RPL7: variants seen among roughly 807,000 people sequenced by gnomAD.
The protein encoded by RPL7 is large ribosomal subunit protein uL30.
For missense variants in RPL7, 205 were observed against 301.9 expected (o/e 0.68, Z 2.38); for synonymous variants, 100 against 102.2 (o/e 0.98, Z 0.13).
chr8:73,292,812 CA>C lies in RPL7; in HGVS notation c.15-16del, dbSNP rs780490740. ...TCTTCTTCTCTCTAACGTTAATAAA[CA>C]AAAATGTTATCAATAGCTCAAAAAG... On this transcript the variant is annotated splice_polypyrimidine_tract_variant and intron_variant, in intron 1 of 6. Transcript: ENST00000352983. The C allele has an allele frequency of 1.3e-6, 2 of 1,579,290 alleles. No individual in the cohort carries two copies. Among genetic ancestry groups the C allele is most frequent in the South Asian group, 2.3e-5 (2 of 88,558 alleles).
intron 2 of RPL7, 129 bp from the exon 3 acceptor site, chr8:73,292,534 C>A: frequency 9.6e-7 from 1 of 1,038,326 alleles, no homozygotes; most frequent in South Asian, 1.6e-5. Context: ...TTACATCCCC[C>A]ACCAAAAAAC....
rs1303714456 is a variant in RPL7, at chr8:73,290,459, T to A, written c.*248A>T. 1 of 152,302 alleles carries A rather than the reference T, an allele frequency of 6.6e-6. No homozygotes were observed. Among genetic ancestry groups the A allele is most frequent in the Non-Finnish European group, 1.5e-5 (1 of 68,138 alleles). The allele number at this position is 152,302 out of a possible 1,614,324, so 9.4% of individuals were successfully genotyped here. ...TTAAAAAACAAAAAATTAAAATCTT[T>A]TGTATAGAAAAGCCTTTTAAAAACC... On this transcript the variant is annotated 3_prime_UTR_variant, in exon 7 of 7. Transcript: ENST00000352983.
intron 1 of RPL7, chr8:73,293,275 G>A (rs547794710): frequency 1.1e-5 from 4 of 373,678 alleles, no homozygotes; most frequent in East Asian, 1.1e-4. Flanking sequence ...CCTGTACCAA[G>A]CACCAGCCAA....
chr8:73,293,601 T>C lies in RPL7; in HGVS notation c.12A>G (p.Val4=), dbSNP rs149887192. Residue 4 remains valine, a splice_region_variant and synonymous_variant, in exon 1 of 7, where the codon GTA becomes GTG. Coordinates refer to ENST00000352983, the MANE Select transcript of RPL7 (RefSeq NM_000971.4). ...CAAGAGGACCAGAAGCAACTCACTC[T>C]ACACCCTCCATGGTTCCAGCCGGAA... MEG[V]EEKKKEVPAV... is the part of the protein sequence containing the mutation. The C allele has an allele frequency of 8.1e-5, 130 of 1,613,812 alleles. No individual in the cohort carries two copies. Among genetic ancestry groups the C allele is most frequent in the Non-Finnish European group, 9.1e-5 (107 of 1,179,934 alleles).
At chr8:73,291,305 T>C in intron 5 of RPL7, 53 bp from the exon 6 acceptor site, 2 of 1,432,952 alleles carry the variant, frequency 1.4e-6, no homozygotes, top group Non-Finnish European at 1.9e-6. Flanking sequence ...AGTTTTGAAA[T>C]AATTATTCAA....
At chr8:73,291,445 T>C (rs1432478885) in intron 5 of RPL7, 107 bp downstream of exon 5, 5 of 925,808 alleles carry the variant, frequency 5.4e-6, no homozygotes, top group African/African-American at 1.7e-5. Context: ...AAATCAAGAA[T>C]CATAGGGAAC....
Position 73,291,811 on chromosome 8 carries a change from A to T in RPL7, c.390T>A (p.Ile130=). Residue 130 remains isoleucine (I), a synonymous_variant, in exon 4 of 7, where the codon ATT becomes ATA. Transcript: ENST00000352983. The stretch of plus-strand genomic sequence containing the variant: ...ATGGCTCTACAATCCTCAGCATGTT[A>T]ATCGAAGCCTTGTTGAGCTTCACAA... ...GTFVKLNKAS[I]NMLRIVEPYI... is the part of the protein sequence containing the mutation. 1 of 1,611,398 alleles carries T rather than the reference A, an allele frequency of 6.2e-7. No homozygotes were observed. Among genetic ancestry groups the T allele is most frequent in the Non-Finnish European group, 8.5e-7 (1 of 1,177,604 alleles).
At chr8:73,290,968 TG>T in intron 6 of RPL7, 74 bp downstream of exon 6, 1 of 1,140,332 alleles carries the variant, frequency 8.8e-7, no homozygotes, top group Non-Finnish European at 1.3e-6. Context: ...CAATATTTAA[TG>T]GGAAAAGTAT....
chr8:73,292,314 G>C lies in RPL7; in HGVS notation c.215C>G (p.Ala72Gly). ...RQMYRTEIRM[A>G]RMARKAGNFY... ...GTTGCCAGCTTTTCTTGCCATCCTC[G>C]CCATTCGAATTTCAGTTCTGTACAT... is the stretch of plus-strand genomic sequence containing the variant. The change falls in exon 3 of 7, where the codon GCG becomes GGG. Residue 72 changes from alanine (A) to glycine (G), a missense_variant. Transcript: ENST00000352983. 6.2e-7 allele frequency: 1 copy of C among 1,608,858 alleles called. No homozygotes were observed.
chr8:73,293,549 C>A, intron 1 of RPL7, 50 bp downstream of exon 1: 1 of 1,610,192 alleles, frequency 6.2e-7, no homozygotes, highest in African/African-American at 1.3e-5. Flanking sequence ...CAAAAAGTAT[C>A]TGGCTCTGGA....
rs765621432 is a variant in RPL7, at chr8:73,292,717, C to A, written c.95G>T (p.Arg32Leu). 6.2e-7 allele frequency: 1 copy of A among 1,613,574 alleles called. No homozygotes were observed. The highest frequency in any genetic ancestry group is 8.5e-7 in the Non-Finnish European group (1 of 1,179,850). Residue 32 changes from arginine (R) to leucine (L), a missense_variant, in exon 2 of 7, where the codon CGC becomes CTC. By Grantham distance (102) the Arg-to-Leu change is moderately radical (BLOSUM62 -2). Coordinates refer to ENST00000352983, the MANE Select transcript of RPL7 (RefSeq NM_000971.4). ...RRNFAELKIKRLRKKFAQKML... is the reference protein window; with the variant it reads ...RRNFAELKIKLLRKKFAQKML... Reference sequence around the variant, plus strand: ...CTTTTGGGCAAACTTCTTTCTCAGGCGCTTGATCTTCAGCTCTGCGAAATT... The same window carrying A: ...CTTTTGGGCAAACTTCTTTCTCAGGAGCTTGATCTTCAGCTCTGCGAAATT...
chr8:73,293,622 C>T lies in RPL7; in HGVS notation c.-10G>A, dbSNP rs1554579626. The T allele has an allele frequency of 2.5e-6, 4 of 1,613,712 alleles. No individual in the cohort carries two copies. Among genetic ancestry groups the T allele is most frequent in the South Asian group, 2.2e-5 (2 of 91,020 alleles). Reference sequence around the variant, plus strand: ...ACTCTACACCCTCCATGGTTCCAGCCGGAAAAAGAGGAAGTTGGCGCATGC... The same window carrying T: ...ACTCTACACCCTCCATGGTTCCAGCTGGAAAAAGAGGAAGTTGGCGCATGC... On this transcript the variant is annotated 5_prime_UTR_variant, in exon 1 of 7. Transcript: ENST00000352983.
intron 2 of RPL7, 31 bp from the exon 3 acceptor site, chr8:73,292,436 T>C: frequency 6.4e-7 from 1 of 1,569,286 alleles, no homozygotes; most frequent in East Asian, 2.2e-5. Context: ...ATTCATAATT[T>C]TTAGCTCAAT....
chr8:73,293,822 T>G (rs1013322309), upstream of RPL7: 4 of 583,190 alleles, frequency 6.9e-6, no homozygotes, highest in African/African-American at 7.5e-5. Context: ...TATATGCATT[T>G]GATTAGACTT....
intron 6 of RPL7, 129 bp downstream of exon 6, chr8:73,290,914 C>T: frequency 1.4e-6 from 1 of 702,790 alleles, no homozygotes; most frequent in Non-Finnish European, 2.4e-6. Flanking sequence ...AGATAGTTGA[C>T]CCCCACTCCC....
intron 1 of RPL7, chr8:73,293,372 C>CA (rs2130344925): frequency 1.9e-6 from 1 of 538,288 alleles, no homozygotes; most frequent in Non-Finnish European, 3.3e-6. Flanking sequence ...GGGTTCCACA[C>CA]ACATTCCAAC....
At chr8:73,294,217 C>T (rs1360911562), upstream of RPL7, 2 of 154,662 alleles carry the variant, frequency 1.3e-5, no homozygotes, top group Middle Eastern at 6.8e-3. Flanking sequence ...GGGCTGTCTT[C>T]CGCAGCGCCT....
intron 1 of RPL7, chr8:73,293,261 G>A (rs1361538388): frequency 1.0e-5 from 3 of 286,784 alleles, no homozygotes; most frequent in African/African-American, 2.2e-5. Flanking sequence ...TGGCGGCAGG[G>A]AGGCCTGTAC....
chr8:73,292,219 T>A lies in RPL7; in HGVS notation c.290+20A>T, dbSNP rs374280330. On this transcript the variant is annotated intron_variant, in intron 3 of 6. Transcript: ENST00000352983. ...TTTTTTTTTCCCATTCAAACCCGAA[T>A]GCAGTAAAACTGAACTTACCCTCTG... 4 of 1,579,410 alleles carry A rather than the reference T, an allele frequency of 2.5e-6. No homozygotes were observed. The East Asian group carries it at 9.0e-5, about 35-fold the overall frequency.
Sources: allele counts gnomAD v4.1 joint callset, GRCh38; gene constraint gnomAD v4.1.1; transcripts MANE v1.5; gene names NCBI Gene and HGNC (gene_info 2026-07-23, HGNC 2026-07-21).